Variants in SIRPG observed in about 807,000 individuals in gnomAD.
SIRPG encodes the protein signal-regulatory protein gamma.
Under a neutral mutation model 35.7 loss-of-function variants are expected in SIRPG, and 38 were observed. That is an observed-to-expected ratio of 1.06 (90% CI 0.82 to 1.40). The LOEUF (loss-of-function observed/expected upper bound fraction) is 1.40, where lower values mean the gene tolerates loss of function less well. SIRPG is among the 40% of genes most tolerant of loss of function. SIRPG has a pLI of 0.00. For missense variants in SIRPG, 519 were observed against 483.0 expected (o/e 1.07, Z -0.70); for synonymous variants, 215 against 190.4 (o/e 1.13, Z -1.06).
chr20:1,674,349 A>G, the SIRPG span, among the ~76,000 whole-genome samples: 36,347 of 152,028 alleles, frequency 0.24, 5,134 homozygotes, highest in East Asian at 0.59. Context: ...CATAGCTTCG[A>G]CATCACACAG....
chr20:1,666,036 G>A, the SIRPG span, among the ~76,000 whole-genome samples: 1 of 151,980 alleles, frequency 6.6e-6, no homozygotes, highest in Non-Finnish European at 1.5e-5. Flanking sequence ...ATGCGAAGGT[G>A]GAAGACAGCA....
upstream of SIRPG, among the ~76,000 whole-genome samples, chr20:1,659,802 C>A (rs1048635553): frequency 2.6e-5 from 4 of 152,154 alleles, no homozygotes; most frequent in African/African-American, 9.7e-5. Context: ...AAGCTATAGC[C>A]TCAATTAGGA....
chr20:1,657,249 C>T (rs571373930), intron 1 of SIRPG, among the ~76,000 whole-genome samples: 4 of 152,234 alleles, frequency 2.6e-5, no homozygotes, highest in Admixed American at 6.5e-5. Context: ...GTCTGTGGTG[C>T]TTTGTTGTGG....
the SIRPG span, among the ~76,000 whole-genome samples, chr20:1,680,930 A>G: frequency 5.2e-4 from 79 of 152,334 alleles, no homozygotes; most frequent in African/African-American, 1.7e-3. Flanking sequence ...TCCAGTGGAT[A>G]TAAGGAACAA....
chr20:1,633,120 T>A (rs1171127798), intron 4 of SIRPG, among the ~76,000 whole-genome samples: 2 of 152,128 alleles, frequency 1.3e-5, no homozygotes, highest in African/African-American at 4.8e-5. Context: ...TGAACAACTC[T>A]ACACACAAAA....
At chr20:1,632,446 T>G (rs2091758949) in intron 4 of SIRPG, among the ~76,000 whole-genome samples, 1 of 152,092 alleles carries the variant, frequency 6.6e-6, no homozygotes. Flanking sequence ...CCTAGACAAC[T>G]TAAAATGCAT....
intron 2 of SIRPG, among the ~76,000 whole-genome samples, chr20:1,639,679 G>T (rs1407770238): frequency 1.3e-5 from 2 of 152,056 alleles, no homozygotes; most frequent in Non-Finnish European, 2.9e-5. Context: ...TGGCATTTTC[G>T]TCATGAAGTC....
At chr20:1,631,345 G>A (rs986768773) in intron 4 of SIRPG, among the ~76,000 whole-genome samples, 2 of 152,072 alleles carry the variant, frequency 1.3e-5, no homozygotes, top group Non-Finnish European at 2.9e-5. Flanking sequence ...CCTCCTTCTA[G>A]GGGACAGCCC....
chr20:1,681,567 C>A, the SIRPG span, among the ~76,000 whole-genome samples: 1 of 152,176 alleles, frequency 6.6e-6, no homozygotes, highest in Non-Finnish European at 1.5e-5. Context: ...CACAGTGGCT[C>A]AAGCCTGTAA....
intron 4 of SIRPG, 82 bp downstream of exon 4, chr20:1,635,185 C>G (rs2091786554): frequency 8.6e-7 from 1 of 1,157,090 alleles, no homozygotes; most frequent in Non-Finnish European, 1.2e-6. Flanking sequence ...TTATAGACTT[C>G]TAGCTTATTT....
chr20:1,657,717 TG>T lies in SIRPG; in HGVS notation c.-4del, dbSNP rs1317984971. On this transcript the variant is annotated 5_prime_UTR_variant, in exon 1 of 6. Coordinates refer to ENST00000303415, the MANE Select transcript of SIRPG (RefSeq NM_018556.4). ...GGCCAGGAGGCTGGGACAGGCATTT[TG>T]GAGACCTCAGAAGCCTGCTCTGTTC... 3 of 1,614,090 alleles carry T rather than the reference TG, an allele frequency of 1.9e-6. No individual in the cohort carries two copies. In the Admixed American group the frequency reaches 5.0e-5, roughly 27 times the overall value.
the SIRPG span, chr20:1,670,909 C>G: frequency 3.1e-6 from 1 of 320,674 alleles, no homozygotes; most frequent in African/African-American, 2.3e-5. Context: ...GTTTTCAGTC[C>G]CACAAAGAGG....
chr20:1,652,848 T>A (rs1411646450), intron 1 of SIRPG, among the ~76,000 whole-genome samples: 1 of 152,204 alleles, frequency 6.6e-6, no homozygotes, highest in Non-Finnish European at 1.5e-5. Context: ...GCAATTACTT[T>A]TTCTCTTTTA....
chr20:1,643,135 G>A (rs1320078681), intron 2 of SIRPG, among the ~76,000 whole-genome samples: 1 of 152,114 alleles, frequency 6.6e-6, no homozygotes, highest in African/African-American at 2.4e-5. Flanking sequence ...GGTTGGGGAA[G>A]TTCTCCTGGA....
chr20:1,683,678 A>T, the SIRPG span, among the ~76,000 whole-genome samples: 1 of 152,188 alleles, frequency 6.6e-6, no homozygotes, highest in African/African-American at 2.4e-5. Flanking sequence ...AATCTAAAAA[A>T]GTTGAACTCA....
chr20:1,677,116 A>T, the SIRPG span, among the ~76,000 whole-genome samples: 1 of 146,260 alleles, frequency 6.8e-6, no homozygotes, highest in African/African-American at 2.8e-5. Context: ...CAATTTTAAG[A>T]TAGAGCTTAA....
upstream of SIRPG, among the ~76,000 whole-genome samples, chr20:1,661,073 A>G (rs896346919): frequency 5.9e-5 from 9 of 152,216 alleles, no homozygotes; most frequent in South Asian, 4.1e-4. Context: ...TCCAAAAGTT[A>G]TATATTCAGT....
At chr20:1,657,823 T>C, upstream of SIRPG, 1 of 1,005,370 alleles carries the variant, frequency 9.9e-7, no homozygotes, top group South Asian at 1.6e-5. Context: ...CAAGAGGAAG[T>C]GGCTATGATG....
chr20:1,657,496 G>T, intron 1 of SIRPG, 146 bp downstream of exon 1: 1 of 788,408 alleles, frequency 1.3e-6, no homozygotes, highest in Non-Finnish European at 2.1e-6. Flanking sequence ...AAAGTGCTCA[G>T]CTCCCTGATC....
Sources: allele counts gnomAD v4.1 joint callset (sites outside exome capture counted in the v4.1 genomes callset), GRCh38; gene constraint gnomAD v4.1.1; transcripts MANE v1.5; gene names NCBI Gene and HGNC (gene_info 2026-07-23, HGNC 2026-07-21).